Variants in PTK7 observed in about 807,000 individuals in gnomAD.
The protein encoded by PTK7 is protein tyrosine kinase 7 (inactive).
PTK7 carries 39 observed loss-of-function variants against 116.6 expected under a neutral mutation model. That is an observed-to-expected ratio of 0.33 (90% CI 0.26 to 0.44). The LOEUF is 0.44. PTK7 is among the 20% of genes least tolerant of loss of function. The probability of loss-of-function intolerance (pLI) is 1.00; values close to 1 mark genes in which losing one functional copy is unlikely to be tolerated. For missense variants in PTK7, 1,169 were observed against 1,425.6 expected, an observed-to-expected ratio of 0.82 and a Z score of 2.90; for synonymous variants, 546 against 563.6, an observed-to-expected ratio of 0.97 and a Z score of 0.44.
chr6:43,131,526 C>T (rs1193300390), intron 5 of PTK7, among the ~76,000 whole-genome samples: 3 of 152,174 alleles, frequency 2.0e-5, no homozygotes, highest in Non-Finnish European at 4.4e-5. Context: ...CAAGTCACGT[C>T]TTACATGGAT....
At chr6:43,132,253 C>T (rs1478731968) in intron 6 of PTK7, 89 bp downstream of exon 6, 12 of 1,518,056 alleles carry the variant, frequency 7.9e-6, no homozygotes, top group African/African-American at 6.9e-5. Flanking sequence ...TTTACTCAGC[C>T]GCTTGGAGGG....
In PTK7 at chr6:43,130,383, G is replaced by A; in HGVS notation, c.624G>A (p.Gln208=). The change falls in exon 4 of 20, where the codon CAG becomes CAA. Residue 208 remains glutamine, a synonymous_variant. Transcript: ENST00000230419. ...YSCCAHSAFG[Q]ACSSQNFTLS... is the part of the protein sequence containing the mutation. ...GCTGCGCCCACAGTGCTTTTGGCCA[G>A]GCTTGCAGCAGCCAGAACTTCACCT... 6.2e-7 allele frequency: 1 copy of A among 1,609,618 alleles called. No individual in the cohort carries two copies. The highest frequency in any genetic ancestry group is 8.5e-7 in the Non-Finnish European group (1 of 1,177,004).
intron 1 of PTK7, among the ~76,000 whole-genome samples, chr6:43,098,330 C>G (rs1767368309): frequency 6.6e-6 from 1 of 151,654 alleles, no homozygotes; most frequent in African/African-American, 2.4e-5. Flanking sequence ...TCATTTCTCT[C>G]TTGGAATGCT....
chr6:43,160,866 G>A lies in PTK7; in HGVS notation c.3198G>A (p.Val1066=). 6.2e-7 allele frequency: 1 copy of A among 1,613,968 alleles called. No individual in the cohort carries two copies. The highest frequency in any genetic ancestry group is 8.5e-7 in the Non-Finnish European group (1 of 1,180,024). Residue 1066 remains valine, a synonymous_variant, in exon 20 of 20, where the codon GTG becomes GTA. Transcript: ENST00000230419. ...CCAGCGCCCTGGGAGACAGCACCGT[G>A]GACAGCAAGCCGTGAGGAGGGAGCC... ...EIASALGDST[V]DSKP
chr6:43,116,279 C>T (rs1018095173), intron 1 of PTK7, among the ~76,000 whole-genome samples: 5 of 152,166 alleles, frequency 3.3e-5, no homozygotes, highest in Admixed American at 6.5e-5. Context: ...GCTTTGCTCC[C>T]GGCCAGCTGG....
chr6:43,143,389 T>A lies in PTK7; in HGVS notation c.2048-28T>A. 1 of 1,605,290 alleles carries A rather than the reference T, an allele frequency of 6.2e-7. No homozygotes were observed. Among genetic ancestry groups the A allele is most frequent in the South Asian group, 1.1e-5 (1 of 90,894 alleles). ...AGGGCTTCTTTTGCTTAGCAGCCCCTGCCCAGACCCATCTGTGTGTCTCTC... is the reference window on the plus strand; with the variant it reads ...AGGGCTTCTTTTGCTTAGCAGCCCCAGCCCAGACCCATCTGTGTGTCTCTC... On this transcript the variant is annotated intron_variant, in intron 13 of 19. Coordinates refer to ENST00000230419, the MANE Select transcript of PTK7 (RefSeq NM_002821.5). This position sits in a 1 kb window ranked among gnomAD's most constrained non-coding sequence, Gnocchi z 4.2.
At chr6:43,123,310 T>C (rs1467479722) in intron 1 of PTK7, among the ~76,000 whole-genome samples, 1 of 152,152 alleles carries the variant, frequency 6.6e-6, no homozygotes, top group Non-Finnish European at 1.5e-5. Flanking sequence ...CAAACAGTGA[T>C]GTGTGGCAGA....
At chr6:43,156,741 C>G (rs1015386297) in intron 17 of PTK7, among the ~76,000 whole-genome samples, 1 of 151,992 alleles carries the variant, frequency 6.6e-6, no homozygotes. Flanking sequence ...ACTGAAAATA[C>G]AAAAATTAGC....
chr6:43,095,157 C>A (rs954997444), intron 1 of PTK7, among the ~76,000 whole-genome samples: 8 of 140,660 alleles, frequency 5.7e-5, no homozygotes, highest in South Asian at 2.2e-4. Flanking sequence ...GTAGGGAGTT[C>A]GAGACCAGCC....
intron 1 of PTK7, among the ~76,000 whole-genome samples, chr6:43,077,617 G>T (rs2150363852): frequency 6.6e-6 from 1 of 152,232 alleles, no homozygotes; most frequent in African/African-American, 2.4e-5. Context: ...TGGAAATAAA[G>T]CCCCCGACCC....
intron 1 of PTK7, among the ~76,000 whole-genome samples, chr6:43,099,469 C>T (rs1767445910): frequency 6.6e-6 from 1 of 151,404 alleles, no homozygotes; most frequent in Non-Finnish European, 1.5e-5. Flanking sequence ...TCCTGAACTC[C>T]AGCAGTCTGC....
intron 7 of PTK7, chr6:43,133,039 C>T (rs1769805060): frequency 2.3e-6 from 1 of 438,930 alleles, no homozygotes; most frequent in South Asian, 8.3e-5. Flanking sequence ...GTCTCCTCAT[C>T]CATAAAATGG....
rs187048476 is a variant in PTK7 at position 43,104,670 on chromosome 6, C to T, written c.80-24307C>T. Among the ~76,000 whole-genome samples the T allele has an allele frequency of 9.0e-3, 1,368 of 152,098 alleles. 10 individuals are homozygous for T. Among genetic ancestry groups the T allele is most frequent in the Non-Finnish European group, 0.014 (978 of 67,996 alleles). On this transcript the variant is annotated intron_variant, in intron 1 of 19. Transcript: ENST00000230419. ...CTTGAACTCCTGACCTGAAGTGATC[C>T]GCTCACCTCAGCCTCCCAGAGTGCT...
rs1320934394 is a variant in PTK7 at position 43,132,463 on chromosome 6, C to T, written c.1004C>T (p.Ala335Val). ...MPLFEPRVFT[A>V]GSEERVTCLP... is the part of the protein sequence containing the mutation. Reference sequence around the variant, plus strand: ...CTATTTGAGCCACGGGTGTTTACAGCTGGCAGCGAGGAGCGTGTGACCTGC... The same window carrying T: ...CTATTTGAGCCACGGGTGTTTACAGTTGGCAGCGAGGAGCGTGTGACCTGC... The change falls in exon 7 of 20, where the codon GCT becomes GTT. Residue 335 changes from alanine (A) to valine (V), a missense_variant. Ala to Val is a moderately conservative substitution (Grantham distance 64). Transcript: ENST00000230419. The T allele has an allele frequency of 1.9e-6, 3 of 1,594,286 alleles. No homozygotes were observed. The highest frequency in any genetic ancestry group is 3.4e-5 in the Admixed American group (2 of 59,158).
intron 17 of PTK7, among the ~76,000 whole-genome samples, chr6:43,150,176 G>C (rs575709162): frequency 2.0e-4 from 31 of 152,346 alleles, no homozygotes; most frequent in African/African-American, 7.5e-4. Context: ...GGTGGACCAT[G>C]CTTTATGCAG....
intron 1 of PTK7, among the ~76,000 whole-genome samples, chr6:43,091,537 T>C (rs918289060): frequency 5.9e-5 from 9 of 152,310 alleles, no homozygotes; most frequent in African/African-American, 1.9e-4. Flanking sequence ...TTGAGTGAGA[T>C]GGTACTGCAT....
intron 1 of PTK7, among the ~76,000 whole-genome samples, chr6:43,118,844 C>T (rs1475263685): frequency 6.7e-6 from 1 of 149,496 alleles, no homozygotes; most frequent in African/African-American, 2.5e-5. Context: ...TCTTGGCTCA[C>T]TGCAACCTCC....
At chr6:43,092,827 G>GTA (rs1767027591) in intron 1 of PTK7, among the ~76,000 whole-genome samples, 1 of 152,104 alleles carries the variant, frequency 6.6e-6, no homozygotes, top group African/African-American at 2.4e-5. Context: ...TAATTGTGAT[G>GTA]GTTATCTGTG....
Position 43,159,907 on chromosome 6 carries a change from A to G in PTK7, c.2993A>G (p.Glu998Gly). The G allele has an allele frequency of 6.2e-7, 1 of 1,614,212 alleles. No individual in the cohort carries two copies. The highest frequency in any genetic ancestry group is 8.5e-7 in the Non-Finnish European group (1 of 1,180,028). ...DVWAFGVLMW[E>G]VFTHGEMPHG... Reference sequence around the variant, plus strand: ...TGGGCCTTCGGTGTGCTGATGTGGGAAGTGTTTACACATGGAGAGATGCCC... The same window carrying G: ...TGGGCCTTCGGTGTGCTGATGTGGGGAGTGTTTACACATGGAGAGATGCCC... The change falls in exon 19 of 20, where the codon GAA becomes GGA. Residue 998 changes from glutamate to glycine, a missense_variant. Glu to Gly is a moderately conservative substitution (Grantham distance 98). Around this residue, in one of 3 missense-constraint regions of PTK7, gnomAD observed 678 missense variants for 853.8 expected, o/e 0.79. Coordinates refer to ENST00000230419, the MANE Select transcript of PTK7 (RefSeq NM_002821.5).
Sources: gnomAD v4.1 joint callset for allele counts (sites outside exome capture counted in the v4.1 genomes callset) on GRCh38, gnomAD v4.1.1 for gene constraint, gnomAD v4.1.1 regional missense constraint, Gnocchi (gnomAD v3.1) non-coding constraint, MANE v1.5 for transcripts, NCBI Gene and HGNC (gene_info 2026-07-23, HGNC 2026-07-21) for gene names.